The following KDM5C variants were observed in gnomAD, a reference collection of about 807,000 sequenced individuals.
KDM5C encodes lysine demethylase 5C.
Under a neutral mutation model 110.6 loss-of-function variants are expected in KDM5C, and 16 were observed. That is an observed-to-expected ratio of 0.14 (90% confidence interval 0.10 to 0.22). The LOEUF (loss-of-function observed/expected upper bound fraction) is 0.22. Among genes scored for constraint, KDM5C ranks in the 10% least tolerant of loss-of-function variants. The pLI, the probability that KDM5C is intolerant of heterozygous loss-of-function variation, is 1.00. For synonymous variants in KDM5C, 511 were observed against 520.4 expected (o/e 0.98, Z 0.24); for missense variants, 681 against 1,300.9 (o/e 0.52, Z 7.33).
At chrX:53,213,501 G>C (rs1244644133) in intron 8 of KDM5C, among the ~76,000 whole-genome samples, 3 of 111,588 alleles carry the variant, frequency 2.7e-5, no homozygotes, top group African/African-American at 9.8e-5. Flanking sequence ...GTGAAGGTAG[G>C]AAGTTCATGA....
chrX:53,206,733 G>A (rs782084146), intron 12 of KDM5C, among the ~76,000 whole-genome samples: 4 of 106,331 alleles, frequency 3.8e-5, no homozygotes, highest in South Asian at 4.3e-4. Flanking sequence ...ATGTGGTGGC[G>A]CACGCCTGTA....
chrX:53,189,160 C>T (rs368214649), downstream of KDM5C, among the ~76,000 whole-genome samples: 4 of 112,424 alleles, frequency 3.6e-5, no homozygotes, highest in East Asian at 2.8e-4. Flanking sequence ...TTATGTACCT[C>T]GGCAATATGA....
Position 53,201,628 on chromosome X carries a change from G to A in KDM5C, c.1983C>T (p.Asn661=). 4 of 1,212,030 alleles carry A rather than the reference G, an allele frequency of 3.3e-6. No individual in the cohort carries two copies. The highest frequency in any genetic ancestry group is 4.5e-6 in the Non-Finnish European group (4 of 895,510). Residue 661 remains asparagine, a synonymous_variant, in exon 14 of 26, where the codon AAC becomes AAT. Transcript: ENST00000375401. ...TCTCCTTATGCACAGCTGCCGCCAG[G>A]TTCAGGTCTAGCTTCTCTGGGCAGG... The part of the protein sequence containing the change: ...MAACPEKLDL[N]LAAAVHKEMF...
chrX:53,205,077 G>A (rs1345724351), intron 12 of KDM5C, among the ~76,000 whole-genome samples: 1 of 111,960 alleles, frequency 8.9e-6, no homozygotes, highest in Non-Finnish European at 1.9e-5. Context: ...TGGAGTTTCA[G>A]TACAGAATGG....
intron 25 of KDM5C, among the ~76,000 whole-genome samples, chrX:53,180,070 T>A (rs1011050170): frequency 6.3e-5 from 7 of 111,472 alleles, no homozygotes; most frequent in Non-Finnish European, 9.4e-5. Flanking sequence ...ATGTGGTACA[T>A]CCAGACAACA....
rs1298715318 is a variant in KDM5C at position 53,214,836 on chromosome X, A to G, written c.975T>C (p.Tyr325=). ...NHSNAQFIES[Y]VCRMCSRGDE... is the part of the protein sequence containing the mutation. ...CCCCTCGAGAACACATCCGGCAGAC[A>G]TATGACTCAATCTGCCAGGGGAGAA... Residue 325 remains tyrosine, a synonymous_variant, in exon 8 of 26, where the codon TAT becomes TAC. Transcript: ENST00000375401. 2.5e-6 allele frequency: 3 copies of G among 1,210,073 alleles called. No homozygotes were observed. The highest frequency in any genetic ancestry group is 3.5e-5 in the African/African-American group (2 of 57,242).
At position 53,218,303 on chromosome X, in the gene KDM5C, C is replaced by T. The variant is rs912441576; in HGVS notation, c.324G>A (p.Arg108=). 5.0e-6 allele frequency: 6 copies of T among 1,209,287 alleles called. No individual in the cohort carries two copies. The highest frequency in any genetic ancestry group is 6.7e-6 in the Non-Finnish European group (6 of 894,696). ...TGCTGAGACTGTAGAGGTCCAAGAT[C>T]CGCCGTTCTACATTGGGAATCTTTA... ...SSLKIPNVER[R]ILDLYSLSKI... The change falls in exon 3 of 26, where the codon CGG becomes CGA. Residue 108 remains arginine, a synonymous_variant. Coordinates refer to ENST00000375401, the MANE Select transcript of KDM5C (RefSeq NM_004187.5).
intron 1 of KDM5C, chrX:53,221,706 T>C: frequency 1.0e-6 from 1 of 976,194 alleles, no homozygotes. Flanking sequence ...GAAGGCTTCC[T>C]GTAGATCCTC....
Position 53,197,022 on chromosome X carries a change from G to C in KDM5C, c.2645C>G (p.Ala882Gly). 8.4e-7 allele frequency: 1 copy of C among 1,191,230 alleles called. No homozygotes were observed. Among genetic ancestry groups the C allele is most frequent in the Non-Finnish European group, 1.1e-6 (1 of 884,690 alleles). ...DVKGVLEQVE[A>G]YQAEAREALA... Reference sequence around the variant, plus strand: ...GGCCTCACGAGCCTCAGCCTGGTAGGCCTCCACCTGTTCCAGAACACCCTA... The same window carrying C: ...GGCCTCACGAGCCTCAGCCTGGTAGCCCTCCACCTGTTCCAGAACACCCTA... Residue 882 changes from alanine (A) to glycine (G), a missense_variant, in exon 19 of 26, where the codon GCC becomes GGC. Transcript: ENST00000375401.
At position 53,192,370 on chromosome X, in the gene KDM5C, G is replaced by A. The variant is rs1345035147; in HGVS notation, c.*597C>T. 1 of 184,812 alleles carries A rather than the reference G, an allele frequency of 5.4e-6. No individual in the cohort carries two copies. Among genetic ancestry groups the A allele is most frequent in the Admixed American group, 7.8e-5 (1 of 12,903 alleles). 15.2% of individuals were successfully genotyped at this position (184,812 alleles called of 1,213,427 possible). A position where few individuals can be genotyped will look rare whatever the true frequency, so the allele number is the denominator to read the frequency against. ...AGGACAGGGAGGGAGGACTGAGGTG[G>A]TTGTGAGGACAAGCACCAAAAGCTT... is the stretch of plus-strand genomic sequence containing the variant. On this transcript the variant is annotated 3_prime_UTR_variant, in exon 26 of 26. Coordinates refer to ENST00000375401, the MANE Select transcript of KDM5C (RefSeq NM_004187.5).
At chrX:53,224,624 G>A (rs2073989548) in intron 1 of KDM5C, 116 bp downstream of exon 1, 3 of 941,668 alleles carry the variant, frequency 3.2e-6, no homozygotes, top group East Asian at 6.6e-5. Context: ...CAACCACAAC[G>A]GTCCCAGCCA....
At chrX:53,187,791 G>A (rs1934269071), downstream of KDM5C, among the ~76,000 whole-genome samples, 1 of 105,780 alleles carries the variant, frequency 9.5e-6, no homozygotes, top group Non-Finnish European at 1.9e-5. Context: ...ACGGAGTCTT[G>A]CTCTGTAGCC....
At chrX:53,206,861 C>G (rs2073348081) in intron 12 of KDM5C, among the ~76,000 whole-genome samples, 1 of 32,763 alleles carries the variant, frequency 3.1e-5, no homozygotes, top group African/African-American at 1.3e-4. Context: ...AAGATTCCTT[C>G]TCAAAAAAAA....
chrX:53,221,454 T>C (rs1014169246), intron 1 of KDM5C, among the ~76,000 whole-genome samples: 8 of 111,593 alleles, frequency 7.2e-5, no homozygotes, highest in Non-Finnish European at 1.3e-4. Context: ...GCCAGACCAA[T>C]ATGGAAAATT....
In KDM5C at chrX:53,195,993, G is replaced by C. The variant is rs2146833621; in HGVS notation, c.3043C>G (p.His1015Asp). 5 of 1,211,631 alleles carry C rather than the reference G, an allele frequency of 4.1e-6. No individual in the cohort carries two copies. The African/African-American group carries it at 6.9e-5, about 17-fold the overall frequency. Residue 1015 changes from histidine to aspartate, a missense_variant, in exon 20 of 26, where the codon CAC (histidine) becomes GAC (aspartate). By Grantham distance (81) the His-to-Asp change is moderately conservative. Transcript: ENST00000375401. ...TTGAGAGCCTGGATGTTGGGCAGGT[G>C]AACAGGGATGTTTTCCGCTTCACGG... ...IIREAENIPV[H>D]LPNIQALKEA...
Position 53,200,999 on chromosome X carries a change from T to C in KDM5C, c.2061+551A>G, listed in dbSNP as rs17002639. On this transcript the variant is annotated intron_variant, in intron 14 of 25. Transcript: ENST00000375401. ...AGAAACATTCCAAATTTCAATCAGT[T>C]TCTTCATGTATTAACATTACCAATA... Among the ~76,000 whole-genome samples the C allele has an allele frequency of 4.4e-3, 498 of 112,913 alleles. 5 individuals are homozygous for C. Among genetic ancestry groups the C allele is most frequent in the African/African-American group, 0.015 (480 of 31,164 alleles).
At chrX:53,184,120 AAATTG>A (rs1339843110) in intron 25 of KDM5C, among the ~76,000 whole-genome samples, 7 of 112,647 alleles carry the variant, frequency 6.2e-5, no homozygotes, top group African/African-American at 1.6e-4. Flanking sequence ...ATGCTATTGT[AAATTG>A]AATTGTTTTC....
chrX:53,198,700 C>T (rs2073048016), intron 16 of KDM5C, 63 bp from the exon 17 acceptor site: 12 of 1,211,028 alleles, frequency 9.9e-6, no homozygotes, highest in Non-Finnish European at 1.1e-5. Flanking sequence ...GGAAGGGGGT[C>T]AGAGTACAGA....
At chrX:53,198,412 T>A in intron 17 of KDM5C, 78 bp downstream of exon 17, 7 of 1,100,456 alleles carry the variant, frequency 6.4e-6, no homozygotes, top group Non-Finnish European at 8.6e-6. Flanking sequence ...GTATTCACAG[T>A]CTACCCCTTG....
Sources: gnomAD v4.1 joint callset for allele counts (sites outside exome capture counted in the v4.1 genomes callset) on GRCh38, gnomAD v4.1.1 for gene constraint, MANE v1.5 for transcripts, NCBI Gene and HGNC (gene_info 2026-07-23, HGNC 2026-07-21) for gene names.